UBR3: variants seen among roughly 807,000 people sequenced by gnomAD.
UBR3 encodes E3 ubiquitin-protein ligase UBR3.
In UBR3, 85 loss-of-function variants were observed where a neutral mutation model predicts 243.2. That is an observed-to-expected ratio of 0.35 (90% CI 0.29 to 0.42). The LOEUF (loss-of-function observed/expected upper bound fraction) is 0.42. Among genes scored for constraint, UBR3 ranks in the 10% least tolerant of loss-of-function variants. The pLI, the probability that UBR3 is intolerant of heterozygous loss-of-function variation, is 1.00. For synonymous variants in UBR3, 748 were observed against 799.8 expected, an observed-to-expected ratio of 0.94 and a Z score of 1.09; for missense variants, 1,686 against 2,300.8, an observed-to-expected ratio of 0.73 and a Z score of 5.47.
At chr2:170,021,559 T>C (rs1178663488) in intron 30 of UBR3, among the ~76,000 whole-genome samples, 1 of 152,166 alleles carries the variant, frequency 6.6e-6, no homozygotes, top group Middle Eastern at 3.2e-3. Flanking sequence ...CCCCACCTCC[T>C]TATACTAACC....
intron 32 of UBR3, among the ~76,000 whole-genome samples, chr2:170,042,719 A>C (rs936857141): frequency 4.2e-5 from 6 of 144,484 alleles, no homozygotes; most frequent in South Asian, 2.2e-4. Flanking sequence ...GTTTTTGAAC[A>C]CTTTTTTTTT....
chr2:170,011,437 T>C (rs2090078518), intron 29 of UBR3, among the ~76,000 whole-genome samples: 1 of 152,138 alleles, frequency 6.6e-6, no homozygotes. Context: ...TGTAGTGATT[T>C]TTAAATGTAT....
intron 1 of UBR3, among the ~76,000 whole-genome samples, chr2:169,864,983 G>C (rs1224037805): frequency 6.6e-6 from 1 of 151,602 alleles, no homozygotes; most frequent in Non-Finnish European, 1.5e-5. Flanking sequence ...CTACTCTGGA[G>C]ACTGAGGCAG....
intron 7 of UBR3, among the ~76,000 whole-genome samples, chr2:169,896,100 C>G (rs1318452596): frequency 6.6e-6 from 1 of 152,228 alleles, no homozygotes; most frequent in East Asian, 1.9e-4. Flanking sequence ...AGTTTGAGAT[C>G]AGTCTGGCCA....
intron 18 of UBR3, among the ~76,000 whole-genome samples, chr2:169,930,288 T>C (rs2086070928): frequency 6.6e-6 from 1 of 152,194 alleles, no homozygotes; most frequent in African/African-American, 2.4e-5. Flanking sequence ...GATGGAATAC[T>C]GGGCATTCGG....
At chr2:170,016,860 C>A in intron 30 of UBR3, 1 of 852,986 alleles carries the variant, frequency 1.2e-6, no homozygotes, top group Non-Finnish European at 1.5e-6. Context: ...TTTCCCTTTA[C>A]TAAATCAGAA....
At chr2:169,957,848 G>A (rs1316260542) in intron 23 of UBR3, among the ~76,000 whole-genome samples, 1 of 152,168 alleles carries the variant, frequency 6.6e-6, no homozygotes, top group Non-Finnish European at 1.5e-5. Context: ...TTATTCTTAT[G>A]TTGTGTTTGA....
intron 11 of UBR3, among the ~76,000 whole-genome samples, chr2:169,915,572 G>T (rs1320168471): frequency 6.6e-6 from 1 of 152,044 alleles, no homozygotes; most frequent in East Asian, 1.9e-4. Context: ...TCTCAATTTG[G>T]GTTTGTTTCA....
At position 169,926,912 on chromosome 2, in the gene UBR3, C is replaced by A; in HGVS notation, c.2279C>A (p.Ser760Ter). 6.4e-7 allele frequency: 1 copy of A among 1,551,134 alleles called. No homozygotes were observed. Among genetic ancestry groups the A allele is most frequent in the Non-Finnish European group, 8.7e-7 (1 of 1,146,612 alleles). The change falls in exon 16 of 39, where the codon TCG becomes TAG. Residue 760 changes from serine to a stop codon, truncating the protein, a stop_gained. Coordinates refer to ENST00000272793, the MANE Select transcript of UBR3 (RefSeq NM_172070.4). LOFTEE classifies it high-confidence loss of function. ...GTACTTGATGCAGAGCATGAGAGGTCGATGTTAGAAGGCGCTCTTACATTT... is the reference window on the plus strand; with the variant it reads ...GTACTTGATGCAGAGCATGAGAGGTAGATGTTAGAAGGCGCTCTTACATTT... ...NTVLDAEHERSMLEGALTFLV... is the reference protein window; with the variant it reads ...NTVLDAEHER
At chr2:169,987,585 A>C (rs1299779734) in intron 25 of UBR3, among the ~76,000 whole-genome samples, 1 of 151,322 alleles carries the variant, frequency 6.6e-6, no homozygotes, top group Non-Finnish European at 1.5e-5. Context: ...TTTATTATAA[A>C]TTATAAATAT....
chr2:170,029,497 C>A, intron 31 of UBR3, 49 bp downstream of exon 31: 3 of 1,413,200 alleles, frequency 2.1e-6, no homozygotes, highest in African/African-American at 1.5e-5. Flanking sequence ...TTATGAAAAA[C>A]AGGTGTTAAA....
intron 29 of UBR3, among the ~76,000 whole-genome samples, chr2:170,010,923 G>A (rs536618358): frequency 1.3e-4 from 19 of 150,830 alleles, no homozygotes; most frequent in African/African-American, 4.6e-4. Flanking sequence ...CAGAACTTGA[G>A]AGACCAAGGC....
chr2:169,877,687 C>A, intron 4 of UBR3, 50 bp downstream of exon 4: 2 of 1,477,142 alleles, frequency 1.4e-6, no homozygotes, highest in Non-Finnish European at 1.8e-6. Context: ...TGTATTAAAA[C>A]CAAAAAAACC....
chr2:170,013,325 C>T (rs1005861960), intron 29 of UBR3, among the ~76,000 whole-genome samples: 3 of 151,996 alleles, frequency 2.0e-5, no homozygotes, highest in African/African-American at 7.2e-5. Context: ...CTAGATATTG[C>T]TGGATACAGT....
intron 27 of UBR3, among the ~76,000 whole-genome samples, chr2:170,006,619 G>A (rs1433695317): frequency 6.6e-6 from 1 of 152,176 alleles, no homozygotes; most frequent in Non-Finnish European, 1.5e-5. Context: ...GTCAGTTACA[G>A]ATTATGAAAA....
At position 169,897,175 on chromosome 2, in the gene UBR3, C is replaced by A. The variant is rs1368246057; in HGVS notation, c.1465+440C>A. On this transcript the variant is annotated intron_variant, in intron 8 of 38. Coordinates refer to ENST00000272793, the MANE Select transcript of UBR3 (RefSeq NM_172070.4). Reference sequence around the variant, plus strand: ...ATGGCTATACCATAATTTATTTAGTCATTTCCTTATTAGACATGTTTCTGC... The same window carrying A: ...ATGGCTATACCATAATTTATTTAGTAATTTCCTTATTAGACATGTTTCTGC... Among the ~76,000 whole-genome samples the A allele has an allele frequency of 2.6e-5, 4 of 151,992 alleles. No homozygotes were observed. The East Asian group carries it at 5.8e-4, about 22-fold the overall frequency.
intron 33 of UBR3, among the ~76,000 whole-genome samples, chr2:170,058,173 C>G (rs1475227015): frequency 6.6e-6 from 1 of 152,154 alleles, no homozygotes; most frequent in Non-Finnish European, 1.5e-5. Context: ...TTTACGTCTT[C>G]TCTCACCCCT....
intron 24 of UBR3, 95 bp from the exon 25 acceptor site, chr2:169,986,550 C>G (rs1474399443): frequency 8.2e-7 from 1 of 1,220,428 alleles, no homozygotes; most frequent in East Asian, 2.4e-5. Context: ...GATATTGAAG[C>G]TAAAAATTGT....
intron 1 of UBR3, among the ~76,000 whole-genome samples, chr2:169,869,892 G>C (rs1020580713): frequency 1.3e-5 from 2 of 152,034 alleles, no homozygotes; most frequent in African/African-American, 4.8e-5. Flanking sequence ...TTGAGAGTTT[G>C]TAATCATAGC....
Sources: allele counts gnomAD v4.1 joint callset (sites outside exome capture counted in the v4.1 genomes callset), GRCh38; gene constraint gnomAD v4.1.1; transcripts MANE v1.5; gene names NCBI Gene and HGNC (gene_info 2026-07-23, HGNC 2026-07-21).